FAM240A: variants seen among roughly 807,000 people sequenced by gnomAD.
FAM240A encodes the protein protein FAM240A.
A neutral mutation model predicts 7.3 loss-of-function variants in FAM240A; 8 were observed. That is an observed-to-expected ratio of 1.09 (90% CI 0.64 to 1.97). FAM240A has a LOEUF of 1.97. FAM240A is among the 30% of genes most tolerant of loss of function. The probability of loss-of-function intolerance (pLI) is 0.00; values close to 1 mark genes in which losing one functional copy is unlikely to be tolerated. For synonymous variants in FAM240A, 32 were observed against 35.9 expected (o/e 0.89, Z 0.38); for missense variants, 90 against 102.2 (o/e 0.88, Z 0.52).
intron 2 of FAM240A, among the ~76,000 whole-genome samples, chr3:46,622,912 T>C (rs557298015): frequency 6.6e-5 from 10 of 152,182 alleles, no homozygotes; most frequent in Non-Finnish European, 1.5e-4. Context: ...AACAGCCTGC[T>C]GGTTTGATTG....
chr3:46,617,094 G>C, intron 1 of FAM240A, 89 bp from the exon 2 acceptor site: 1 of 911,368 alleles, frequency 1.1e-6, no homozygotes. Context: ...TCTCATTGTG[G>C]TTTTAATTTA....
At chr3:46,618,865 ATG>A (rs1185323755) in intron 2 of FAM240A, among the ~76,000 whole-genome samples, 16 of 75,960 alleles carry the variant, frequency 2.1e-4, no homozygotes, top group South Asian at 4.1e-4. Context: ...ATATATATAT[ATG>A]TATATATATA....
chr3:46,619,950 G>A (rs1172131083), intron 2 of FAM240A, among the ~76,000 whole-genome samples: 4 of 152,092 alleles, frequency 2.6e-5, no homozygotes, highest in Non-Finnish European at 5.9e-5. Flanking sequence ...CATATAATAA[G>A]AAGTGCTCAA....
chr3:46,617,898 G>A (rs1275470959), intron 2 of FAM240A, among the ~76,000 whole-genome samples: 1 of 152,228 alleles, frequency 6.6e-6, no homozygotes, highest in Non-Finnish European at 1.5e-5. Flanking sequence ...CTGCCGAGCA[G>A]TGGAGTACAG....
At chr3:46,614,091 T>A (rs949695798) in intron 1 of FAM240A, among the ~76,000 whole-genome samples, 1 of 152,072 alleles carries the variant, frequency 6.6e-6, no homozygotes, top group Non-Finnish European at 1.5e-5. Context: ...GCTAATTTTT[T>A]ATTTTTTATT....
rs1697758638 is a variant in FAM240A, at chr3:46,626,053, G to C, written c.*835G>C. 1 of 152,122 alleles carries C rather than the reference G, an allele frequency of 6.6e-6. No individual in the cohort carries two copies. The highest frequency in any genetic ancestry group is 2.4e-5 in the African/African-American group (1 of 41,410). 9.4% of individuals were successfully genotyped at this position (152,122 alleles called of 1,614,324 possible). ...CTTCCAAGAGTGCAAACTGTAACTG[G>C]GCCTGAGGCAATTATTTTAACCAAG... On this transcript the variant is annotated 3_prime_UTR_variant, in exon 3 of 3. Transcript: ENST00000640551.
intron 2 of FAM240A, among the ~76,000 whole-genome samples, chr3:46,624,619 A>G (rs1697736055): frequency 6.6e-6 from 1 of 152,098 alleles, no homozygotes. Context: ...AAGTATTAAT[A>G]TATAACCACA....
intron 2 of FAM240A, among the ~76,000 whole-genome samples, chr3:46,624,103 T>C (rs1057369603): frequency 3.9e-5 from 6 of 152,142 alleles, no homozygotes; most frequent in African/African-American, 1.2e-4. Flanking sequence ...TGCCTTCAGG[T>C]GATATTTTAT....
At chr3:46,624,420 C>T (rs766021646) in intron 2 of FAM240A, among the ~76,000 whole-genome samples, 2 of 151,762 alleles carry the variant, frequency 1.3e-5, no homozygotes, top group Non-Finnish European at 2.9e-5. Context: ...TGCAGGCACC[C>T]GCCACCATGA....
Position 46,625,706 on chromosome 3 carries a change from T to C in FAM240A, c.*488T>C, listed in dbSNP as rs1697755438. On this transcript the variant is annotated 3_prime_UTR_variant, in exon 3 of 3. Coordinates refer to ENST00000640551, the MANE Select transcript of FAM240A (RefSeq NM_001195442.2). ...GAAATTAAAAAACAATTATCAATAG[T>C]CAAAGTACAATTTGAAAATAAATTG... The C allele has an allele frequency of 6.6e-6, 1 of 152,208 alleles. No homozygotes were observed. Among genetic ancestry groups the C allele is most frequent in the Non-Finnish European group, 1.5e-5 (1 of 68,044 alleles). 9.4% of individuals were successfully genotyped at this position (152,208 alleles called of 1,614,324 possible).
At position 46,625,327 on chromosome 3, in the gene FAM240A, A is replaced by G. The variant is rs1353919049; in HGVS notation, c.*109A>G. On this transcript the variant is annotated 3_prime_UTR_variant, in exon 3 of 3. Coordinates refer to ENST00000640551, the MANE Select transcript of FAM240A (RefSeq NM_001195442.2). ...TGCTATACCAATCAGCTCTCACACT[A>G]TTGTTTCCCCACCTGGGAGAGGACT... 3 of 713,380 alleles carry G rather than the reference A, an allele frequency of 4.2e-6. No individual in the cohort carries two copies. Among genetic ancestry groups the G allele is most frequent in the Non-Finnish European group, 6.8e-6 (3 of 443,212 alleles). The allele number at this position is 713,380 out of a possible 1,614,324, so 44.2% of individuals were successfully genotyped here. A position where few individuals can be genotyped will look rare whatever the true frequency, so the allele number is the denominator to read the frequency against.
At chr3:46,625,054 C>A in intron 2 of FAM240A, 74 bp from the exon 3 acceptor site, 2 of 1,103,806 alleles carry the variant, frequency 1.8e-6, no homozygotes, top group Non-Finnish European at 2.6e-6. Flanking sequence ...GCTGGGAGGA[C>A]AGGAAGAAAG....
At chr3:46,617,371 T>C (rs1697642483) in intron 2 of FAM240A, 43 bp downstream of exon 2, 2 of 1,471,374 alleles carry the variant, frequency 1.4e-6, no homozygotes, top group Non-Finnish European at 1.8e-6. Context: ...AATTAATTTT[T>C]AAAATACATC....
intron 2 of FAM240A, among the ~76,000 whole-genome samples, chr3:46,620,907 TTA>T (rs1697686304): frequency 6.6e-6 from 1 of 152,140 alleles, no homozygotes; most frequent in African/African-American, 2.4e-5. Context: ...TTTAAAGGAG[TTA>T]TTATATTTAA....
chr3:46,621,913 A>G (rs1311438284), intron 2 of FAM240A, among the ~76,000 whole-genome samples: 1 of 151,394 alleles, frequency 6.6e-6, no homozygotes, highest in African/African-American at 2.4e-5. Context: ...GTGCTTTATG[A>G]TTTCCCTTTT....
chr3:46,616,350 A>T (rs1015770968), intron 1 of FAM240A, among the ~76,000 whole-genome samples: 1 of 151,800 alleles, frequency 6.6e-6, no homozygotes, highest in Non-Finnish European at 1.5e-5. Flanking sequence ...ATTTTTTTTT[A>T]TTTCAATAGC....
At chr3:46,614,510 G>A (rs1054170931) in intron 1 of FAM240A, among the ~76,000 whole-genome samples, 1 of 152,166 alleles carries the variant, frequency 6.6e-6, no homozygotes, top group Non-Finnish European at 1.5e-5. Flanking sequence ...AACGTTATGC[G>A]GATGGAGGTA....
At chr3:46,613,689 C>T (rs760919907) in intron 1 of FAM240A, among the ~76,000 whole-genome samples, 3 of 152,078 alleles carry the variant, frequency 2.0e-5, no homozygotes, top group Non-Finnish European at 4.4e-5. Flanking sequence ...TCACTTCCTG[C>T]ACCCTGGGTG....
At position 46,617,312 on chromosome 3, in the gene FAM240A, A is replaced by G. The variant is rs1697641783; in HGVS notation, c.145A>G (p.Arg49Gly). Residue 49 changes from arginine (R) to glycine (G), a missense_variant, in exon 2 of 3, where the codon AGA becomes GGA. By Grantham distance (125) the Arg-to-Gly change is moderately radical. Coordinates refer to ENST00000640551, the MANE Select transcript of FAM240A (RefSeq NM_001195442.2). ...YRESEERRLG[R>G]SALRKLREEW... ...AGAATCAGAGGAACGTCGTCTGGGAAGAAGCGCACTGAGAAAGTATGTGGC... is the reference window on the plus strand; with the variant it reads ...AGAATCAGAGGAACGTCGTCTGGGAGGAAGCGCACTGAGAAAGTATGTGGC... 1 of 1,530,178 alleles carries G rather than the reference A, an allele frequency of 6.5e-7. No individual in the cohort carries two copies. The highest frequency in any genetic ancestry group is 1.4e-5 in the African/African-American group (1 of 72,786). 94.8% of individuals were successfully genotyped at this position (1,530,178 alleles called of 1,614,324 possible). A position where few individuals can be genotyped will look rare whatever the true frequency, so the allele number is the denominator to read the frequency against.
Sources: allele counts gnomAD v4.1 joint callset (sites outside exome capture counted in the v4.1 genomes callset), GRCh38; gene constraint gnomAD v4.1.1; transcripts MANE v1.5; gene names NCBI Gene and HGNC (gene_info 2026-07-23, HGNC 2026-07-21).